Variants in KIAA1671 observed in about 807,000 individuals in gnomAD.
The protein encoded by KIAA1671 is KIAA1671.
A neutral mutation model predicts 131.2 loss-of-function variants in KIAA1671; 52 were observed. That is an observed-to-expected ratio of 0.40 (90% confidence interval 0.32 to 0.50). The LOEUF (loss-of-function observed/expected upper bound fraction) is 0.50, where lower values mean the gene tolerates loss of function less well. Ranked by LOEUF, KIAA1671 falls within the 20% of genes least tolerant of loss-of-function variation. The pLI, the probability that KIAA1671 is intolerant of heterozygous loss-of-function variation, is 0.73. For missense variants in KIAA1671, 2,360 were observed against 2,364.2 expected, an observed-to-expected ratio of 1.00 and a Z score of 0.04; for synonymous variants, 1,003 against 961.6, an observed-to-expected ratio of 1.04 and a Z score of -0.80.
At chr22:24,995,208 G>A in intron 1 of KIAA1671, among the ~76,000 whole-genome samples, 1 of 151,826 alleles carries the variant, frequency 6.6e-6, no homozygotes, top group Admixed American at 6.6e-5. Flanking sequence ...CCGCCACCAT[G>A]CCTGGCTAAT....
intron 1 of KIAA1671, among the ~76,000 whole-genome samples, chr22:25,008,201 A>G (rs1320259718): frequency 2.1e-5 from 2 of 93,844 alleles, no homozygotes; most frequent in African/African-American, 3.6e-5. Context: ...CCGTCGCAAA[A>G]AAAAAAAAAA....
chr22:25,124,098 G>C (rs778107732), intron 6 of KIAA1671, among the ~76,000 whole-genome samples: 1 of 152,160 alleles, frequency 6.6e-6, no homozygotes, highest in Non-Finnish European at 1.5e-5. Context: ...CTGGGGTCAG[G>C]CTCCCAGGGG....
chr22:24,997,996 C>T (rs149918896), intron 1 of KIAA1671, among the ~76,000 whole-genome samples: 52 of 152,310 alleles, frequency 3.4e-4, no homozygotes, highest in Admixed American at 5.2e-4. Context: ...TTTTGCAAAC[C>T]TTAATGCCTG....
intron 6 of KIAA1671, chr22:25,070,312 A>G: frequency 4.7e-6 from 2 of 421,652 alleles, no homozygotes; most frequent in South Asian, 1.0e-4. Context: ...CGCTCCCGCT[A>G]GAGGAAAGCT....
intron 6 of KIAA1671, among the ~76,000 whole-genome samples, chr22:25,165,405 G>A (rs960416201): frequency 2.0e-5 from 3 of 152,176 alleles, no homozygotes; most frequent in East Asian, 3.9e-4. Context: ...AGCAGTGTTT[G>A]TTCAGGGAAG....
At chr22:24,969,202 C>A (rs749800638) in intron 1 of KIAA1671, among the ~76,000 whole-genome samples, 1 of 152,144 alleles carries the variant, frequency 6.6e-6, no homozygotes, top group Non-Finnish European at 1.5e-5. Context: ...TGCCCGGCCT[C>A]GTTTTTGTTG....
At chr22:25,146,787 G>A (rs1011728614) in intron 6 of KIAA1671, among the ~76,000 whole-genome samples, 1 of 152,224 alleles carries the variant, frequency 6.6e-6, no homozygotes, top group Non-Finnish European at 1.5e-5. Context: ...GATCTTGCAT[G>A]TAGACAGTCA....
At chr22:25,023,868 C>T (rs2123894967) in intron 1 of KIAA1671, 1 of 151,968 alleles carries the variant, frequency 6.6e-6, no homozygotes, top group East Asian at 1.9e-4. Context: ...TTGCTCGAAC[C>T]TGGGAGGCAG....
At chr22:25,065,939 G>C (rs1928453435) in intron 6 of KIAA1671, among the ~76,000 whole-genome samples, 1 of 152,038 alleles carries the variant, frequency 6.6e-6, no homozygotes, top group Non-Finnish European at 1.5e-5. Flanking sequence ...GCGCCTGATC[G>C]AGACTGGGTA....
chr22:25,073,148 G>GCCTTGTCCT (rs1335122270), intron 6 of KIAA1671, among the ~76,000 whole-genome samples: 7 of 152,148 alleles, frequency 4.6e-5, no homozygotes, highest in African/African-American at 2.4e-5. Context: ...GCTCACTGCA[G>GCCTTGTCCT]CCTTGTCCTC....
At chr22:25,151,616 G>C (rs7287538) in intron 6 of KIAA1671, among the ~76,000 whole-genome samples, 40,255 of 151,320 alleles carry the variant, frequency 0.27, 5,421 homozygotes, top group South Asian at 0.39. Flanking sequence ...ATTTTTAGTA[G>C]AAATAGGTTT....
chr22:25,037,567 G>A (rs1297938149), intron 4 of KIAA1671, among the ~76,000 whole-genome samples: 30 of 152,008 alleles, frequency 2.0e-4, no homozygotes, highest in Non-Finnish European at 3.8e-4. Context: ...TGGCATTAAG[G>A]ACGTTTTCAG....
In KIAA1671 at chr22:25,172,679, G is replaced by C. The variant is rs561849498; in HGVS notation, c.4650-1561G>C. 2.0e-5 allele frequency among the ~76,000 whole-genome samples: 3 copies of C among 152,252 alleles called. No homozygotes were observed. The East Asian group carries it at 5.8e-4, about 29-fold the overall frequency. The stretch of plus-strand genomic sequence containing the variant: ...AGGTGTTCTTTTTAATATGTGGATG[G>C]AGGCAGGGCAGGAGGTTTTTAATGA... On this transcript the variant is annotated intron_variant, in intron 7 of 12. Coordinates refer to ENST00000358431, the MANE Select transcript of KIAA1671 (RefSeq NM_001145206.2).
In KIAA1671 at chr22:25,187,716, G is replaced by T. The variant is rs558087034; in HGVS notation, c.5342+2597G>T. Among the ~76,000 whole-genome samples the T allele has an allele frequency of 1.2e-3, 181 of 152,126 alleles. 3 individuals carry two copies. In the South Asian group the frequency reaches 0.032, roughly 27 times the overall value. On this transcript the variant is annotated intron_variant, in intron 11 of 12. Coordinates refer to ENST00000358431, the MANE Select transcript of KIAA1671 (RefSeq NM_001145206.2). ...TGTAGAGACAAGATTTCGCCATGTTGCCCAGGCCGGTCTCGAATTCCTGGA... is the reference window on the plus strand; with the variant it reads ...TGTAGAGACAAGATTTCGCCATGTTTCCCAGGCCGGTCTCGAATTCCTGGA...
intron 1 of KIAA1671, among the ~76,000 whole-genome samples, chr22:24,975,705 G>A (rs1174579032): frequency 6.6e-6 from 1 of 152,178 alleles, no homozygotes; most frequent in African/African-American, 2.4e-5. Flanking sequence ...AACCTCAGGA[G>A]GATCCCATCA....
intron 6 of KIAA1671, 153 bp downstream of exon 6, chr22:25,049,517 T>A: frequency 1.2e-6 from 1 of 814,654 alleles, no homozygotes; most frequent in Non-Finnish European, 1.9e-6. Flanking sequence ...GTCACCTGAC[T>A]AGCTGTGTTG....
chr22:25,170,762 G>T, intron 6 of KIAA1671, 58 bp from the exon 7 acceptor site: 1 of 1,502,026 alleles, frequency 6.7e-7, no homozygotes, highest in Non-Finnish European at 9.1e-7. Context: ...TGTCAGCCGG[G>T]ACGGGGGTTC....
At chr22:25,070,113 C>A (rs887213228) in intron 6 of KIAA1671, 10 of 360,250 alleles carry the variant, frequency 2.8e-5, no homozygotes, top group Admixed American at 1.4e-4. Context: ...ACCCCTGGAC[C>A]CGCCCCACTG....
Position 25,047,767 on chromosome 22 carries a change from C to T in KIAA1671, c.4396-1463C>T, listed in dbSNP as rs1050618188. 8.5e-5 allele frequency among the ~76,000 whole-genome samples: 13 copies of T among 152,370 alleles called. No individual in the cohort carries two copies. The South Asian group carries it at 2.3e-3, about 27-fold the overall frequency. ...GGATTACAGGCATGAGCTACTGCGC[C>T]TGGCCTTCCCTTTCTTAATGGTACC... is the stretch of plus-strand genomic sequence containing the variant. On this transcript the variant is annotated intron_variant, in intron 5 of 12. Coordinates refer to ENST00000358431, the MANE Select transcript of KIAA1671 (RefSeq NM_001145206.2).
Sources: allele counts gnomAD v4.1 joint callset (sites outside exome capture counted in the v4.1 genomes callset), GRCh38; gene constraint gnomAD v4.1.1; transcripts MANE v1.5; gene names NCBI Gene and HGNC (gene_info 2026-07-23, HGNC 2026-07-21).